CDH18: variants seen among roughly 807,000 people sequenced by gnomAD.
The protein encoded by CDH18 is cadherin-18.
In CDH18, 31 loss-of-function variants were observed where a neutral mutation model predicts 67.9. The ratio of observed to expected loss-of-function variants is 0.46; its 90% CI spans 0.34 to 0.62. The LOEUF (loss-of-function observed/expected upper bound fraction) is 0.62. CDH18 is among the 20% of genes least tolerant of loss of function. The probability of loss-of-function intolerance (pLI) is 0.01; values close to 1 mark genes in which losing one functional copy is unlikely to be tolerated. For missense variants in CDH18, 890 were observed against 975.5 expected (o/e 0.91, Z 1.17); for synonymous variants, 362 against 347.2 (o/e 1.04, Z -0.48).
At chr5:19,964,112 A>C (rs1159660000) in intron 2 of CDH18, among the ~76,000 whole-genome samples, 2 of 152,128 alleles carry the variant, frequency 1.3e-5, no homozygotes, top group Non-Finnish European at 2.9e-5. Flanking sequence ...AAAAGCTAAA[A>C]CACAGATTTT....
chr5:19,646,356 G>A (rs1754739913), intron 5 of CDH18, among the ~76,000 whole-genome samples: 1 of 152,146 alleles, frequency 6.6e-6, no homozygotes, highest in East Asian at 1.9e-4. Flanking sequence ...CTATTTTTGA[G>A]ATGGAGTCTC....
chr5:20,565,489 G>A (rs1758450349), intron 1 of CDH18, among the ~76,000 whole-genome samples: 1 of 152,040 alleles, frequency 6.6e-6, no homozygotes, highest in African/African-American at 2.4e-5. Context: ...CATCTTCATT[G>A]ATATCAGGAA....
chr5:20,084,141 G>C (rs2150548224), intron 2 of CDH18, among the ~76,000 whole-genome samples: 1 of 152,260 alleles, frequency 6.6e-6, no homozygotes, highest in South Asian at 2.1e-4. Context: ...ATCAAAAGCA[G>C]TTTAGTTACT....
At chr5:20,068,241 A>G (rs1224847334) in intron 2 of CDH18, among the ~76,000 whole-genome samples, 1 of 152,146 alleles carries the variant, frequency 6.6e-6, no homozygotes, top group Non-Finnish European at 1.5e-5. Flanking sequence ...ATGTTTAATC[A>G]TACATGATGG....
chr5:19,930,120 G>A (rs1234429028), intron 2 of CDH18, among the ~76,000 whole-genome samples: 1 of 152,002 alleles, frequency 6.6e-6, no homozygotes, highest in Non-Finnish European at 1.5e-5. Context: ...AACCTTAAGG[G>A]TCACAGCTTA....
At chr5:20,553,579 G>T (rs953344029) in intron 1 of CDH18, among the ~76,000 whole-genome samples, 1 of 152,192 alleles carries the variant, frequency 6.6e-6, no homozygotes, top group African/African-American at 2.4e-5. Flanking sequence ...CTTTAACCAT[G>T]TTCCCAGGAA....
chr5:20,044,457 A>G (rs143133522), intron 2 of CDH18, among the ~76,000 whole-genome samples: 1 of 152,300 alleles, frequency 6.6e-6, no homozygotes, highest in East Asian at 1.9e-4. Flanking sequence ...TCATTATTCA[A>G]TGTTCACACA....
intron 1 of CDH18, among the ~76,000 whole-genome samples, chr5:20,427,844 A>G (rs1748420650): frequency 6.6e-6 from 1 of 151,270 alleles, no homozygotes; most frequent in Non-Finnish European, 1.5e-5. Context: ...ATTTAGGCTT[A>G]CTTTGAAATT....
At chr5:19,833,845 C>T (rs908139225) in intron 3 of CDH18, among the ~76,000 whole-genome samples, 1 of 152,120 alleles carries the variant, frequency 6.6e-6, no homozygotes, top group African/African-American at 2.4e-5. Flanking sequence ...ATATGTTGAA[C>T]CAGCCTTGAA....
At chr5:19,755,216 T>G (rs1020679764) in intron 3 of CDH18, among the ~76,000 whole-genome samples, 5 of 145,334 alleles carry the variant, frequency 3.4e-5, no homozygotes, top group Non-Finnish European at 6.1e-5. Flanking sequence ...AATAAAAAAA[T>G]AAAAAAAAGA....
At chr5:19,913,096 C>T (rs1579561280) in intron 2 of CDH18, among the ~76,000 whole-genome samples, 3 of 151,772 alleles carry the variant, frequency 2.0e-5, no homozygotes, top group South Asian at 2.1e-4. Context: ...AAAGAGGTAC[C>T]GATTTTTTAA....
Position 20,423,716 on chromosome 5 carries a change from C to T in CDH18, c.-580+151746G>A, listed in dbSNP as rs188625485. Among the ~76,000 whole-genome samples the T allele has an allele frequency of 1.9e-4, 28 of 150,666 alleles. No individual in the cohort carries two copies. In the East Asian group the frequency reaches 5.1e-3, roughly 27 times the overall value. ...ATCCCAGCACTTTTGGAGGCCAAGACGGGCAGATCACGAGGTCAGAAGATC... is the reference window on the plus strand; with the variant it reads ...ATCCCAGCACTTTTGGAGGCCAAGATGGGCAGATCACGAGGTCAGAAGATC... On this transcript the variant is annotated intron_variant, in intron 1 of 14. Coordinates refer to the CDH18 transcript ENST00000507958.
chr5:20,053,370 T>C (rs1268448665), intron 2 of CDH18, among the ~76,000 whole-genome samples: 2 of 151,860 alleles, frequency 1.3e-5, no homozygotes, highest in Non-Finnish European at 2.9e-5. Flanking sequence ...TTCCTCTCTC[T>C]TTTTTATTTC....
chr5:20,004,350 T>C (rs2150405553), intron 2 of CDH18, among the ~76,000 whole-genome samples: 1 of 152,342 alleles, frequency 6.6e-6, no homozygotes. Flanking sequence ...GTCTCTGACC[T>C]GTCATCCTGT....
intron 1 of CDH18, among the ~76,000 whole-genome samples, chr5:20,259,709 G>T (rs571111514): frequency 6.6e-6 from 1 of 152,258 alleles, no homozygotes; most frequent in East Asian, 1.9e-4. Flanking sequence ...TAAGTTTTGA[G>T]AAGTCAAAAG....
At chr5:19,533,424 C>G (rs1481136362) in intron 9 of CDH18, among the ~76,000 whole-genome samples, 1 of 152,066 alleles carries the variant, frequency 6.6e-6, no homozygotes, top group East Asian at 1.9e-4. Flanking sequence ...AGAGTACAAA[C>G]TGTGAACAGA....
At chr5:19,474,037 T>C (rs1007879118) in intron 12 of CDH18, among the ~76,000 whole-genome samples, 2 of 152,072 alleles carry the variant, frequency 1.3e-5, no homozygotes, top group African/African-American at 4.8e-5. Context: ...TAAAGTGAGA[T>C]AAACACATGA....
intron 1 of CDH18, among the ~76,000 whole-genome samples, chr5:20,351,527 C>A (rs1741184034): frequency 6.6e-6 from 1 of 151,842 alleles, no homozygotes; most frequent in Admixed American, 6.6e-5. Flanking sequence ...CTTTTTATTT[C>A]CAGTATTGTA....
chr5:19,738,979 C>A (rs1768734322), intron 4 of CDH18, among the ~76,000 whole-genome samples: 1 of 152,056 alleles, frequency 6.6e-6, no homozygotes, highest in African/African-American at 2.4e-5. Context: ...TCACATCAAT[C>A]ATTGAATAAA....
Sources: gnomAD v4.1 joint callset for allele counts (sites outside exome capture counted in the v4.1 genomes callset) on GRCh38, gnomAD v4.1.1 for gene constraint, MANE v1.5 for transcripts, NCBI Gene and HGNC (gene_info 2026-07-23, HGNC 2026-07-21) for gene names.